Variants in KIAA1671 observed in about 807,000 individuals in gnomAD.
KIAA1671 encodes the protein uncharacterized protein KIAA1671.
KIAA1671 carries 52 observed loss-of-function variants against 131.2 expected under a neutral mutation model. The observed-to-expected ratio is 0.40, with a 90% confidence interval of 0.32 to 0.50. The LOEUF (loss-of-function observed/expected upper bound fraction) is 0.50, where lower values mean the gene tolerates loss of function less well. Among genes scored for constraint, KIAA1671 ranks in the 20% least tolerant of loss-of-function variants. The pLI is 0.73. For missense variants in KIAA1671, 2,360 were observed against 2,364.2 expected, an observed-to-expected ratio of 1.00 and a Z score of 0.04; for synonymous variants, 1,003 against 961.6, an observed-to-expected ratio of 1.04 and a Z score of -0.80.
chr22:25,080,045 A>C (rs146904618), intron 6 of KIAA1671, among the ~76,000 whole-genome samples: 1 of 152,242 alleles, frequency 6.6e-6, no homozygotes, highest in African/African-American at 2.4e-5. Flanking sequence ...GATAGGAAAG[A>C]CTTGAGTCAT....
chr22:25,084,673 C>T (rs529123204), intron 6 of KIAA1671, among the ~76,000 whole-genome samples: 2 of 152,272 alleles, frequency 1.3e-5, no homozygotes, highest in East Asian at 1.9e-4. Context: ...AGAAATTAGG[C>T]AGGGCTCAGT....
chr22:24,968,942 C>G (rs1922451478), intron 1 of KIAA1671, among the ~76,000 whole-genome samples: 1 of 152,114 alleles, frequency 6.6e-6, no homozygotes, highest in Admixed American at 6.6e-5. Flanking sequence ...CCCTGTCACC[C>G]AGGTAGGAGT....
intron 6 of KIAA1671, among the ~76,000 whole-genome samples, chr22:25,144,383 C>T (rs369015221): frequency 3.9e-5 from 6 of 152,192 alleles, no homozygotes; most frequent in African/African-American, 9.6e-5. Flanking sequence ...TCTGCAGATA[C>T]ACCTGGCTCC....
Position 25,192,496 on chromosome 22 carries a change from C to G in KIAA1671, c.*95C>G, listed in dbSNP as rs375183375. On this transcript the variant is annotated 3_prime_UTR_variant, in exon 13 of 13. Coordinates refer to ENST00000358431, the MANE Select transcript of KIAA1671 (RefSeq NM_001145206.2). ...GCTGCTGCCGTTTCTTCCTGCACAA[C>G]GCTTACGTGCCTGGGCCCTTCCCAT... 13 of 152,348 alleles carry G rather than the reference C, an allele frequency of 8.5e-5. No individual in the cohort carries two copies. Among genetic ancestry groups the G allele is most frequent in the African/African-American group, 3.1e-4 (13 of 41,564 alleles). The allele number at this position is 152,348 out of a possible 1,614,324, so 9.4% of individuals were successfully genotyped here. A position where few individuals can be genotyped will look rare whatever the true frequency, so the allele number is the denominator to read the frequency against.
intron 6 of KIAA1671, among the ~76,000 whole-genome samples, chr22:25,100,672 G>C (rs1930617318): frequency 6.6e-6 from 1 of 152,314 alleles, no homozygotes; most frequent in Non-Finnish European, 1.5e-5. Context: ...TGTCAACGAG[G>C]CAGTAGGGCG....
rs369556738 is a variant in KIAA1671, at chr22:25,105,238, T to C, written c.4530+55874T>C. 1.1e-4 allele frequency among the ~76,000 whole-genome samples: 16 copies of C among 152,232 alleles called. No homozygotes were observed. In the South Asian group the frequency reaches 1.2e-3, roughly 12 times the overall value. On this transcript the variant is annotated intron_variant, in intron 6 of 12. Coordinates refer to ENST00000358431, the MANE Select transcript of KIAA1671 (RefSeq NM_001145206.2). ...GGTTTCGCCATGTTGGCCATGCTGG[T>C]CTCAAACTCCTGACCTCAGAGAATC...
Position 25,028,703 on chromosome 22 carries a change from G to C in KIAA1671, c.704G>C (p.Arg235Thr), listed in dbSNP as rs1926102361. 6.4e-7 allele frequency: 1 copy of C among 1,551,110 alleles called. No individual in the cohort carries two copies. Among genetic ancestry groups the C allele is most frequent in the Non-Finnish European group, 8.7e-7 (1 of 1,147,018 alleles). The change falls in exon 3 of 13, where the codon AGG (arginine) becomes ACG (threonine). Residue 235 changes from arginine (R) to threonine (T), a missense_variant. Coordinates refer to ENST00000358431, the MANE Select transcript of KIAA1671 (RefSeq NM_001145206.2). Reference protein sequence around the residue: ...EDTARPLVEPRPRLKRRPVSA... With the variant: ...EDTARPLVEPTPRLKRRPVSA... ...ACGGCACGCCCCCTTGTGGAGCCCA[G>C]GCCTCGCCTGAAGAGAAGGCCCGTG... is the stretch of plus-strand genomic sequence containing the variant.
chr22:25,157,626 A>G (rs914875432), intron 6 of KIAA1671, among the ~76,000 whole-genome samples: 2 of 152,012 alleles, frequency 1.3e-5, no homozygotes, highest in Non-Finnish European at 2.9e-5. Flanking sequence ...AGAACATCAA[A>G]TTTGTCTATC....
chr22:25,046,288 C>T (rs1602096107), intron 5 of KIAA1671, among the ~76,000 whole-genome samples: 2 of 151,454 alleles, frequency 1.3e-5, no homozygotes, highest in East Asian at 1.9e-4. Flanking sequence ...GGCAACAGAG[C>T]GAGACTCTGT....
At chr22:25,000,087 G>A (rs565972278) in intron 1 of KIAA1671, among the ~76,000 whole-genome samples, 1 of 147,302 alleles carries the variant, frequency 6.8e-6, no homozygotes, top group South Asian at 2.2e-4. Flanking sequence ...GTTTCACCGT[G>A]TTAGCCAGGA....
intron 6 of KIAA1671, among the ~76,000 whole-genome samples, chr22:25,081,809 A>G (rs1929422210): frequency 6.6e-6 from 1 of 152,120 alleles, no homozygotes; most frequent in Admixed American, 6.6e-5. Context: ...AATAGTGTGG[A>G]GTGTAAAAAG....
chr22:25,025,566 T>C (rs1010261980), intron 1 of KIAA1671, 67 bp from the exon 2 acceptor site: 1 of 152,192 alleles, frequency 6.6e-6, no homozygotes, highest in South Asian at 2.1e-4. Context: ...GCTTGAAAGC[T>C]TTTGTGCCGT....
At chr22:25,116,382 AGTAT>A (rs139621283) in intron 6 of KIAA1671, among the ~76,000 whole-genome samples, 35,903 of 138,910 alleles carry the variant, frequency 0.26, 4,816 homozygotes, top group Middle Eastern at 0.3. Flanking sequence ...CCCCTCCACC[AGTAT>A]GTATGTATGT....
At chr22:24,970,138 C>T (rs1236337461) in intron 1 of KIAA1671, among the ~76,000 whole-genome samples, 3 of 152,190 alleles carry the variant, frequency 2.0e-5, no homozygotes, top group Non-Finnish European at 4.4e-5. Context: ...CCGGACAGTC[C>T]CAGCAGGCTG....
At chr22:25,114,794 G>C (rs1451722247) in intron 6 of KIAA1671, among the ~76,000 whole-genome samples, 1 of 152,152 alleles carries the variant, frequency 6.6e-6, no homozygotes. Context: ...TTAAATATTC[G>C]TTTTATGGGA....
chr22:25,104,863 T>G (rs1601317947), intron 6 of KIAA1671, among the ~76,000 whole-genome samples: 1 of 152,286 alleles, frequency 6.6e-6, no homozygotes, highest in East Asian at 1.9e-4. Flanking sequence ...CCTTCCACCC[T>G]TAATGGCTAA....
Position 25,028,771 on chromosome 22 carries a change from C to T in KIAA1671, c.772C>T (p.Pro258Ser), listed in dbSNP as rs1926105156. 5.2e-6 allele frequency: 8 copies of T among 1,551,204 alleles called. No individual in the cohort carries two copies. Among genetic ancestry groups the T allele is most frequent in the Non-Finnish European group, 6.1e-6 (7 of 1,147,022 alleles). ...TESIQPQKPG[P>S]GAAATVGKVP... ...GTCCATTCAGCCTCAGAAGCCAGGC[C>T]CCGGCGCAGCGGCCACAGTGGGCAA... The change falls in exon 3 of 13, where the codon CCC (proline) becomes TCC (serine). Residue 258 changes from proline to serine, a missense_variant. Physicochemically the swap from Pro to Ser is moderately conservative, Grantham distance 74. Coordinates refer to ENST00000358431, the MANE Select transcript of KIAA1671 (RefSeq NM_001145206.2).
At chr22:25,131,692 C>T (rs995946500) in intron 6 of KIAA1671, among the ~76,000 whole-genome samples, 2 of 152,148 alleles carry the variant, frequency 1.3e-5, no homozygotes, top group African/African-American at 2.4e-5. Context: ...GGGAGGAGCC[C>T]TGTGGTGGAG....
chr22:25,090,034 C>T (rs1255490368), intron 6 of KIAA1671, among the ~76,000 whole-genome samples: 1 of 152,214 alleles, frequency 6.6e-6, no homozygotes, highest in Admixed American at 6.5e-5. Flanking sequence ...GGTCTGCTGT[C>T]TGCCTCCTGG....
Sources: gnomAD v4.1 joint callset for allele counts (sites outside exome capture counted in the v4.1 genomes callset) on GRCh38, gnomAD v4.1.1 for gene constraint, MANE v1.5 for transcripts, NCBI Gene and HGNC (gene_info 2026-07-23, HGNC 2026-07-21) for gene names.